Variants in GRIK4 observed in about 807,000 individuals in gnomAD.
The protein encoded by GRIK4 is glutamate ionotropic receptor kainate type subunit 4.
In GRIK4, 40 loss-of-function variants were observed where a neutral mutation model predicts 104.9. That is an observed-to-expected ratio of 0.38 (90% CI 0.30 to 0.50). The LOEUF is 0.50. Among genes scored for constraint, GRIK4 ranks in the 20% least tolerant of loss-of-function variants. The probability of loss-of-function intolerance (pLI) is 0.93; values close to 1 mark genes in which losing one functional copy is unlikely to be tolerated. For synonymous variants in GRIK4, 485 were observed against 524.9 expected, an observed-to-expected ratio of 0.92 and a Z score of 1.04; for missense variants, 1,047 against 1,308.1, an observed-to-expected ratio of 0.80 and a Z score of 3.08.
intron 3 of GRIK4, among the ~76,000 whole-genome samples, chr11:120,787,125 G>A (rs1457091167): frequency 6.6e-6 from 1 of 151,796 alleles, no homozygotes; most frequent in Non-Finnish European, 1.5e-5. Flanking sequence ...CAAAACCAGC[G>A]TAGGCAACAT....
At chr11:120,962,822 A>AT in intron 18 of GRIK4, 141 bp downstream of exon 18, 12 of 461,022 alleles carry the variant, frequency 2.6e-5, no homozygotes, top group Non-Finnish European at 3.0e-5. Context: ...GGCATTCTAA[A>AT]GTTTTTTTTT....
At chr11:120,739,412 A>G (rs1398123424) in intron 3 of GRIK4, among the ~76,000 whole-genome samples, 1 of 152,076 alleles carries the variant, frequency 6.6e-6, no homozygotes, top group African/African-American at 2.4e-5. Context: ...AGACATTCCC[A>G]CAGGTCTGAG....
intron 3 of GRIK4, among the ~76,000 whole-genome samples, chr11:120,792,801 G>A (rs1196322693): frequency 3.3e-5 from 5 of 152,152 alleles, no homozygotes; most frequent in South Asian, 2.1e-4. Context: ...CTGCAGATAC[G>A]TTCATGGAGA....
intron 3 of GRIK4, among the ~76,000 whole-genome samples, chr11:120,734,368 C>T (rs1951188121): frequency 2.6e-5 from 4 of 152,150 alleles, no homozygotes; most frequent in Admixed American, 1.3e-4. Flanking sequence ...ATGCCATTCT[C>T]CCCTAACCTG....
intron 1 of GRIK4, among the ~76,000 whole-genome samples, chr11:120,610,452 G>A (rs1171446013): frequency 2.0e-5 from 3 of 152,218 alleles, no homozygotes; most frequent in Non-Finnish European, 4.4e-5. Flanking sequence ...TGGCATGGCT[G>A]TGTGTTGCTG....
intron 17 of GRIK4, 92 bp downstream of exon 17, chr11:120,961,166 T>A (rs1301871425): frequency 8.6e-7 from 1 of 1,159,760 alleles, no homozygotes; most frequent in African/African-American, 1.5e-5. Context: ...TCTCTCCGCA[T>A]CTCATTATCT....
rs117244401 is a variant in GRIK4 at position 120,790,092 on chromosome 11, A to C, written c.83-12601A>C. Among the ~76,000 whole-genome samples the C allele has an allele frequency of 4.1e-4, 62 of 152,270 alleles. 1 individual carries two copies. In the East Asian group the frequency reaches 0.01, roughly 25 times the overall value. ...TTCCCAGCACATGAACAGCTGGTTC[A>C]TGGTGGGAGCATCGTAAGATTTTGT... On this transcript the variant is annotated intron_variant, in intron 3 of 20. Coordinates refer to ENST00000527524, the MANE Select transcript of GRIK4 (RefSeq NM_014619.5).
At chr11:120,675,385 G>A (rs1950083545) in intron 3 of GRIK4, among the ~76,000 whole-genome samples, 1 of 152,142 alleles carries the variant, frequency 6.6e-6, no homozygotes, top group Non-Finnish European at 1.5e-5. Context: ...TCCAAAATTT[G>A]TGTGCCTGAA....
At chr11:120,901,841 A>G (rs1942745638) in intron 12 of GRIK4, among the ~76,000 whole-genome samples, 3 of 152,156 alleles carry the variant, frequency 2.0e-5, no homozygotes, top group Non-Finnish European at 4.4e-5. Flanking sequence ...TGATTTGTGC[A>G]TGTGTGCACG....
chr11:120,916,897 A>G (rs1943115605), intron 13 of GRIK4, among the ~76,000 whole-genome samples: 1 of 152,176 alleles, frequency 6.6e-6, no homozygotes, highest in African/African-American at 2.4e-5. Flanking sequence ...GGGCGCTTGC[A>G]TTCCCCTAGG....
At chr11:120,854,532 G>A (rs1306650994) in intron 8 of GRIK4, among the ~76,000 whole-genome samples, 2 of 152,356 alleles carry the variant, frequency 1.3e-5, no homozygotes, top group African/African-American at 2.4e-5. Flanking sequence ...ACCTGGGGCT[G>A]AGGGCTTTAT....
At chr11:120,801,446 C>T (rs1952619657) in intron 3 of GRIK4, among the ~76,000 whole-genome samples, 1 of 152,148 alleles carries the variant, frequency 6.6e-6, no homozygotes, top group Admixed American at 6.5e-5. Flanking sequence ...AGGCTGGTCT[C>T]GAACTCCTGA....
intron 6 of GRIK4, among the ~76,000 whole-genome samples, chr11:120,823,851 C>T (rs1018235281): frequency 2.0e-5 from 3 of 152,208 alleles, no homozygotes; most frequent in Non-Finnish European, 4.4e-5. Context: ...TGCTGGAACT[C>T]ACCTGCTGAG....
chr11:120,562,350 G>T (rs1310475956), intron 1 of GRIK4, among the ~76,000 whole-genome samples: 2 of 152,202 alleles, frequency 1.3e-5, no homozygotes, highest in African/African-American at 2.4e-5. Flanking sequence ...AGGGACCCCG[G>T]CCTTGGCCCT....
At chr11:120,546,804 A>G (rs1290419069) in intron 1 of GRIK4, among the ~76,000 whole-genome samples, 1 of 152,148 alleles carries the variant, frequency 6.6e-6, no homozygotes, top group Non-Finnish European at 1.5e-5. Context: ...ACTAGGAGTA[A>G]GGATGGAATT....
At chr11:120,583,911 G>T (rs1033611839) in intron 1 of GRIK4, among the ~76,000 whole-genome samples, 1 of 152,104 alleles carries the variant, frequency 6.6e-6, no homozygotes, top group Non-Finnish European at 1.5e-5. Context: ...TGTAATTCTT[G>T]TTGTAGGGAT....
chr11:120,835,775 C>T (rs1473659877), intron 7 of GRIK4, among the ~76,000 whole-genome samples: 7 of 152,232 alleles, frequency 4.6e-5, no homozygotes, highest in African/African-American at 1.2e-4. Flanking sequence ...TCCTGATCTA[C>T]GTGTCAGTTT....
chr11:120,952,396 G>C lies in GRIK4; in HGVS notation c.1591-459G>C, dbSNP rs558031625. Among the ~76,000 whole-genome samples, 222 of 152,266 alleles carry C rather than the reference G, an allele frequency of 1.5e-3. 1 individual carries two copies. Among genetic ancestry groups the C allele is most frequent in the African/African-American group, 5.2e-3 (216 of 41,540 alleles). Reference sequence around the variant, plus strand: ...AGGTCTCACTGTGTGAGATCACCCTGCAAACAAAACCCAGAGACTCCGGTT... The same window carrying C: ...AGGTCTCACTGTGTGAGATCACCCTCCAAACAAAACCCAGAGACTCCGGTT... On this transcript the variant is annotated intron_variant, in intron 14 of 20. Transcript: ENST00000527524. The surrounding 1 kb of genome is among the most constrained non-coding windows in gnomAD (Gnocchi z 5.2).
At chr11:120,623,861 C>G (rs1280475346) in intron 1 of GRIK4, among the ~76,000 whole-genome samples, 6 of 152,130 alleles carry the variant, frequency 3.9e-5, no homozygotes, top group African/African-American at 1.4e-4. Flanking sequence ...TGCGTCCCAT[C>G]CAGGGGCCCT....
Sources: gnomAD v4.1 joint callset for allele counts (sites outside exome capture counted in the v4.1 genomes callset) on GRCh38, gnomAD v4.1.1 for gene constraint, Gnocchi (gnomAD v3.1) non-coding constraint, MANE v1.5 for transcripts, NCBI Gene and HGNC (gene_info 2026-07-23, HGNC 2026-07-21) for gene names.